SMAD2: variants seen among roughly 807,000 people sequenced by gnomAD.
SMAD2 encodes MAD homolog 2.
Under a neutral mutation model 64.4 loss-of-function variants are expected in SMAD2, and 8 were observed. The ratio of observed to expected loss-of-function variants is 0.12; its 90% CI spans 0.07 to 0.22. SMAD2 has a LOEUF of 0.22. SMAD2 is among the 10% of genes least tolerant of loss of function. SMAD2 has a pLI of 1.00. For synonymous variants in SMAD2, 203 were observed against 195.8 expected, an observed-to-expected ratio of 1.04 and a Z score of -0.31; for missense variants, 289 against 561.2, an observed-to-expected ratio of 0.51 and a Z score of 4.90.
chr18:47,902,248 G>A (rs1216156613), intron 1 of SMAD2, among the ~76,000 whole-genome samples: 1 of 152,046 alleles, frequency 6.6e-6, no homozygotes, highest in Non-Finnish European at 1.5e-5. Context: ...TTCCCCCAGG[G>A]TGCAAAATTT....
intron 2 of SMAD2, among the ~76,000 whole-genome samples, chr18:47,885,759 C>T (rs988639374): frequency 1.3e-5 from 2 of 151,992 alleles, no homozygotes; most frequent in South Asian, 2.1e-4. Flanking sequence ...CCCAGGAGTT[C>T]GAGATCAGAC....
intron 6 of SMAD2, among the ~76,000 whole-genome samples, chr18:47,860,425 C>T (rs1230166688): frequency 6.6e-6 from 1 of 151,566 alleles, no homozygotes; most frequent in Non-Finnish European, 1.5e-5. Context: ...GTGAATGCCA[C>T]TACCCCTGGC....
At position 47,831,516 on chromosome 18, in the gene SMAD2, A is replaced by G. The variant is rs1912992210; in HGVS notation, c.*10311T>C. 6.6e-6 allele frequency: 1 copy of G among 152,254 alleles called. No individual in the cohort carries two copies. Among genetic ancestry groups the G allele is most frequent in the Admixed American group, 6.5e-5 (1 of 15,280 alleles). 9.4% of individuals were successfully genotyped at this position (152,254 alleles called of 1,614,324 possible). On this transcript the variant is annotated 3_prime_UTR_variant, in exon 11 of 11. Coordinates refer to ENST00000262160, the MANE Select transcript of SMAD2 (RefSeq NM_005901.6). ...TTAGAAAGGTGCAGAGGCAGCCAACAAAACTATTGAAGACAGACTGTAAAA... is the reference window on the plus strand; with the variant it reads ...TTAGAAAGGTGCAGAGGCAGCCAACGAAACTATTGAAGACAGACTGTAAAA...
chr18:47,847,257 A>G (rs1914588313), intron 8 of SMAD2, among the ~76,000 whole-genome samples: 1 of 152,134 alleles, frequency 6.6e-6, no homozygotes, highest in Non-Finnish European at 1.5e-5. Flanking sequence ...ATCAAGCAAG[A>G]TTTGAGAACT....
chr18:47,919,719 C>T lies in SMAD2; in HGVS notation c.-54+10642G>A, dbSNP rs115987485. On this transcript the variant is annotated intron_variant, in intron 1 of 10. Coordinates refer to ENST00000262160, the MANE Select transcript of SMAD2 (RefSeq NM_005901.6). ...CTGTAGAAGTCAATGGAAGCATAAC[C>T]TTCACTGATTAGAGCCAAATGATAA... 8.4e-3 allele frequency among the ~76,000 whole-genome samples: 1,277 copies of T among 152,250 alleles called. 8 individuals carry two copies. The highest frequency in any genetic ancestry group is 0.029 in the African/African-American group (1,218 of 41,526).
rs1016566031 is a variant in SMAD2, at chr18:47,827,074, T to C, written c.*14753A>G. On this transcript the variant is annotated 3_prime_UTR_variant, in exon 11 of 11. Coordinates refer to ENST00000262160, the MANE Select transcript of SMAD2 (RefSeq NM_005901.6). ...GAGTCAAACTGCATTTTCCATTACA[T>C]CGGAAATGACCAAGGATTAAAATTA... The C allele has an allele frequency of 6.6e-6, 1 of 152,092 alleles. No homozygotes were observed. Among genetic ancestry groups the C allele is most frequent in the Non-Finnish European group, 1.5e-5 (1 of 68,022 alleles). The allele number at this position is 152,092 out of a possible 1,614,324, so 9.4% of individuals were successfully genotyped here. A position where few individuals can be genotyped will look rare whatever the true frequency, so the allele number is the denominator to read the frequency against.
chr18:47,918,795 G>C (rs2034436851), intron 1 of SMAD2, among the ~76,000 whole-genome samples: 1 of 152,014 alleles, frequency 6.6e-6, no homozygotes, highest in Non-Finnish European at 1.5e-5. Flanking sequence ...TAAAGTAGAA[G>C]AAATCTTCCA....
At chr18:47,866,871 A>C (rs1011591253) in intron 5 of SMAD2, 1 of 152,238 alleles carries the variant, frequency 6.6e-6, no homozygotes, top group African/African-American at 2.4e-5. Flanking sequence ...AGGAATAAAA[A>C]AGAAAGGAAA....
At chr18:47,897,832 C>G (rs763181001) in intron 1 of SMAD2, among the ~76,000 whole-genome samples, 20 of 152,086 alleles carry the variant, frequency 1.3e-4, no homozygotes, top group Non-Finnish European at 2.6e-4. Flanking sequence ...TTAGCTCTTA[C>G]GCTTTTCTTT....
At chr18:47,927,671 G>C (rs1269989107) in intron 1 of SMAD2, among the ~76,000 whole-genome samples, 1 of 152,200 alleles carries the variant, frequency 6.6e-6, no homozygotes, top group Non-Finnish European at 1.5e-5. Context: ...AGGCCGAGGT[G>C]GGCGGATCAC....
At chr18:47,845,277 G>C (rs2144286626) in intron 10 of SMAD2, 63 bp downstream of exon 10, 1 of 1,422,060 alleles carries the variant, frequency 7.0e-7, no homozygotes, top group South Asian at 1.1e-5. Context: ...TCCAGAATAT[G>C]CAAGAATGCA....
chr18:47,903,877 G>A (rs1331868949), intron 1 of SMAD2, among the ~76,000 whole-genome samples: 1 of 26,586 alleles, frequency 3.8e-5, no homozygotes, highest in African/African-American at 9.1e-5. Context: ...AAAACAGTGT[G>A]GGGGGGGGGG....
Position 47,818,749 on chromosome 18 carries a change from G to A in SMAD2, c.*23078C>T, listed in dbSNP as rs921606100. 6.6e-6 allele frequency: 1 copy of A among 152,174 alleles called. No homozygotes were observed. The highest frequency in any genetic ancestry group is 2.4e-5 in the African/African-American group (1 of 41,450). The allele number at this position is 152,174 out of a possible 1,614,324, so 9.4% of individuals were successfully genotyped here. On this transcript the variant is annotated 3_prime_UTR_variant, in exon 11 of 11. Coordinates refer to ENST00000262160, the MANE Select transcript of SMAD2 (RefSeq NM_005901.6). ...GAAACTGAAAAAAGGGAAAAAAGGG[G>A]TTGGGGAGGTGGGGTAAGAGGTTTT... is the stretch of plus-strand genomic sequence containing the variant.
Position 47,880,308 on chromosome 18 carries a change from T to C in SMAD2, c.237-9744A>G, listed in dbSNP as rs572367110. Among the ~76,000 whole-genome samples the C allele has an allele frequency of 1.3e-4, 20 of 152,344 alleles. No homozygotes were observed. The East Asian group carries it at 3.9e-3, about 29-fold the overall frequency. ...AGACTACAATTTATCCAGAAATATT[T>C]TGTTTTCACTGGTGTAAGGTGGAGT... On this transcript the variant is annotated intron_variant, in intron 2 of 10. Coordinates refer to ENST00000262160, the MANE Select transcript of SMAD2 (RefSeq NM_005901.6).
Position 47,839,470 on chromosome 18 carries a change from A to G in SMAD2, c.*2357T>C. On this transcript the variant is annotated 3_prime_UTR_variant, in exon 11 of 11. Transcript: ENST00000262160. ...GCTCACAAGATGGGTAGTGGAAGAC[A>G]TAATTACTGGACAGCACAAAGTCTG... 4.3e-6 allele frequency: 1 copy of G among 233,424 alleles called. No homozygotes were observed. Among genetic ancestry groups the G allele is most frequent in the Non-Finnish European group, 8.5e-6 (1 of 118,086 alleles). 14.5% of individuals were successfully genotyped at this position (233,424 alleles called of 1,614,324 possible). A position where few individuals can be genotyped will look rare whatever the true frequency, so the allele number is the denominator to read the frequency against.
chr18:47,919,344 A>C (rs1365564538), intron 1 of SMAD2, among the ~76,000 whole-genome samples: 1 of 141,824 alleles, frequency 7.1e-6, no homozygotes, highest in Non-Finnish European at 1.6e-5. Flanking sequence ...AAAAGGAGAT[A>C]CTAGTAAAAC....
rs1318684040 is a variant in SMAD2 at position 47,837,951 on chromosome 18, A to C, written c.*3876T>G. On this transcript the variant is annotated 3_prime_UTR_variant, in exon 11 of 11. Coordinates refer to ENST00000262160, the MANE Select transcript of SMAD2 (RefSeq NM_005901.6). Reference sequence around the variant, plus strand: ...CCCAACATAAACCTACGCCACCCTCAGACGAAGAGGGTATCTAACACTGAA... The same window carrying C: ...CCCAACATAAACCTACGCCACCCTCCGACGAAGAGGGTATCTAACACTGAA... 4.3e-6 allele frequency: 1 copy of C among 232,576 alleles called. No individual in the cohort carries two copies. Among genetic ancestry groups the C allele is most frequent in the African/African-American group, 2.2e-5 (1 of 45,296 alleles). 14.4% of individuals were successfully genotyped at this position (232,576 alleles called of 1,614,324 possible).
chr18:47,811,639 C>T lies in SMAD2; in HGVS notation c.*30188G>A, dbSNP rs573244891. On this transcript the variant is annotated 3_prime_UTR_variant, in exon 11 of 11. Transcript: ENST00000262160. Reference sequence around the variant, plus strand: ...CCTCACTCCAAACATACACATATTCCAAAGTTCATCAGAACCTTTGATCAC... The same window carrying T: ...CCTCACTCCAAACATACACATATTCTAAAGTTCATCAGAACCTTTGATCAC... 1.3e-5 allele frequency: 2 copies of T among 152,274 alleles called. No homozygotes were observed. The highest frequency in any genetic ancestry group is 1.9e-4 in the East Asian group (1 of 5,178). The allele number at this position is 152,274 out of a possible 1,614,324, so 9.4% of individuals were successfully genotyped here.
In SMAD2 at chr18:47,836,351, G is replaced by A. The variant is rs796822523; in HGVS notation, c.*5476C>T. The A allele has an allele frequency of 6.3e-5, 14 of 222,082 alleles. No individual in the cohort carries two copies. Among genetic ancestry groups the A allele is most frequent in the African/African-American group, 3.1e-4 (14 of 44,784 alleles). The allele number at this position is 222,082 out of a possible 1,614,324, so 13.8% of individuals were successfully genotyped here. The stretch of plus-strand genomic sequence containing the variant: ...GCTGGATGTATAATAATTTAGTAAC[G>A]GGGTATATGGCAGAGCTTTCTTTGA... On this transcript the variant is annotated 3_prime_UTR_variant, in exon 11 of 11. Transcript: ENST00000262160.
Sources: gnomAD v4.1 joint callset for allele counts (sites outside exome capture counted in the v4.1 genomes callset) on GRCh38, gnomAD v4.1.1 for gene constraint, MANE v1.5 for transcripts, NCBI Gene and HGNC (gene_info 2026-07-23, HGNC 2026-07-21) for gene names.